SRD5A2: variants seen among roughly 807,000 people sequenced by gnomAD.
The protein encoded by SRD5A2 is steroid 5 alpha-reductase 2, also known as 3-oxo-5-alpha-steroid 4-dehydrogenase 2.
SRD5A2 carries 30 observed loss-of-function variants against 27.4 expected under a neutral mutation model. The observed-to-expected ratio is 1.10, with a 90% CI of 0.82 to 1.49. SRD5A2 has a LOEUF of 1.49. Ranked by LOEUF, SRD5A2 falls within the 40% of genes most tolerant of loss-of-function variation. The probability of loss-of-function intolerance (pLI) is 0.00; values close to 1 mark genes in which losing one functional copy is unlikely to be tolerated. For synonymous variants in SRD5A2, 141 were observed against 133.6 expected, an observed-to-expected ratio of 1.06 and a Z score of -0.38; for missense variants, 348 against 323.4, an observed-to-expected ratio of 1.08 and a Z score of -0.58.
At chr2:31,639,940 C>T in the SRD5A2 span, among the ~76,000 whole-genome samples, 401 of 152,176 alleles carry the variant, frequency 2.6e-3, 3 homozygotes, top group African/African-American at 9.3e-3. Flanking sequence ...CTTCCCCTTG[C>T]TCTTGTTCAG....
At chr2:31,656,091 T>C in the SRD5A2 span, among the ~76,000 whole-genome samples, 1 of 152,172 alleles carries the variant, frequency 6.6e-6, no homozygotes, top group African/African-American at 2.4e-5. Flanking sequence ...ACAAATCATC[T>C]TGAAGGAGAG....
the SRD5A2 span, among the ~76,000 whole-genome samples, chr2:31,602,727 A>T: frequency 6.6e-6 from 1 of 152,068 alleles, no homozygotes; most frequent in Non-Finnish European, 1.5e-5. Context: ...ACAACCGAAC[A>T]GAATAGAGAA....
the SRD5A2 span, among the ~76,000 whole-genome samples, chr2:31,655,159 T>C: frequency 6.6e-6 from 1 of 152,210 alleles, no homozygotes; most frequent in Non-Finnish European, 1.5e-5. Flanking sequence ...TGGAGTACAG[T>C]GGCATGATCT....
the SRD5A2 span, among the ~76,000 whole-genome samples, chr2:31,617,309 C>T: frequency 5.3e-5 from 8 of 152,112 alleles, no homozygotes; most frequent in Admixed American, 2.6e-4. Context: ...GGCATCAGGT[C>T]CTGATGCAGC....
At chr2:31,615,972 G>A in the SRD5A2 span, among the ~76,000 whole-genome samples, 1 of 152,140 alleles carries the variant, frequency 6.6e-6, no homozygotes, top group Non-Finnish European at 1.5e-5. Context: ...CCAAGCCTTG[G>A]CAGCTTCCAT....
chr2:31,549,147 C>G (rs1666329275), intron 1 of SRD5A2, among the ~76,000 whole-genome samples: 1 of 148,920 alleles, frequency 6.7e-6, no homozygotes, highest in Admixed American at 6.7e-5. Context: ...GAGTCTCACT[C>G]TGTCACCCAG....
chr2:31,638,079 C>T, the SRD5A2 span, among the ~76,000 whole-genome samples: 1 of 151,940 alleles, frequency 6.6e-6, no homozygotes, highest in African/African-American at 2.4e-5. Flanking sequence ...ATAAACTTCC[C>T]TGTTAGTACT....
intron 2 of SRD5A2, among the ~76,000 whole-genome samples, chr2:31,532,776 G>T (rs993497735): frequency 1.3e-5 from 2 of 152,080 alleles, no homozygotes; most frequent in African/African-American, 4.8e-5. Flanking sequence ...TGGAAGAAAG[G>T]GTATCTGGGG....
the SRD5A2 span, among the ~76,000 whole-genome samples, chr2:31,600,592 C>G: frequency 6.6e-6 from 1 of 151,824 alleles, no homozygotes; most frequent in Non-Finnish European, 1.5e-5. Flanking sequence ...GGATGTTGAG[C>G]TTTTTTTCAT....
At chr2:31,546,569 T>A (rs1399099507) in intron 1 of SRD5A2, among the ~76,000 whole-genome samples, 1 of 152,134 alleles carries the variant, frequency 6.6e-6, no homozygotes. Flanking sequence ...TTCTCACTTA[T>A]AAGTAGGAGC....
chr2:31,580,774 C>A lies in SRD5A2; in HGVS notation c.127G>T (p.Ala43Ser). The change falls in exon 1 of 5, where the codon GCG becomes TCG. Residue 43 changes from alanine to serine, a missense_variant. Coordinates refer to ENST00000622030, the MANE Select transcript of SRD5A2 (RefSeq NM_000348.4). ...GCGCGGGCTGGCAGGCGGGTAGCCGCCGGCTTCAGGCTCTCCGTGTGCTTC... is the reference window on the plus strand; with the variant it reads ...GCGCGGGCTGGCAGGCGGGTAGCCGACGGCTTCAGGCTCTCCGTGTGCTTC... Reference protein sequence around the residue: ...YGKHTESLKPAATRLPARAAW... With the variant: ...YGKHTESLKPSATRLPARAAW... The A allele has an allele frequency of 6.2e-7, 1 of 1,611,406 alleles. No homozygotes were observed. Among genetic ancestry groups the A allele is most frequent in the Non-Finnish European group, 8.5e-7 (1 of 1,179,624 alleles).
chr2:31,568,694 GC>G (rs1373097142), intron 1 of SRD5A2, among the ~76,000 whole-genome samples: 1 of 152,198 alleles, frequency 6.6e-6, no homozygotes, highest in African/African-American at 2.4e-5. Flanking sequence ...CCACCCAGGA[GC>G]CTGTCTGCCT....
chr2:31,620,137 C>A, the SRD5A2 span, among the ~76,000 whole-genome samples: 1 of 151,824 alleles, frequency 6.6e-6, no homozygotes, highest in Non-Finnish European at 1.5e-5. Flanking sequence ...ATTCAACATC[C>A]CTTCATGTTA....
At chr2:31,638,918 T>G in the SRD5A2 span, among the ~76,000 whole-genome samples, 1 of 152,102 alleles carries the variant, frequency 6.6e-6, no homozygotes, top group Non-Finnish European at 1.5e-5. Context: ...TATTAAGTGT[T>G]ACTATTGATA....
chr2:31,661,587 A>G, the SRD5A2 span, among the ~76,000 whole-genome samples: 8 of 152,128 alleles, frequency 5.3e-5, no homozygotes, highest in Non-Finnish European at 1.0e-4. Flanking sequence ...CTAATGAAGA[A>G]TTGTGTCAAA....
At chr2:31,609,426 A>G in the SRD5A2 span, among the ~76,000 whole-genome samples, 1 of 152,192 alleles carries the variant, frequency 6.6e-6, no homozygotes, top group African/African-American at 2.4e-5. Flanking sequence ...ACATTTATCA[A>G]TGGAATAGAA....
the SRD5A2 span, among the ~76,000 whole-genome samples, chr2:31,609,715 T>C: frequency 6.6e-6 from 1 of 152,126 alleles, no homozygotes; most frequent in South Asian, 2.1e-4. Flanking sequence ...AGGCAGTGGT[T>C]TCTTAGGTGG....
chr2:31,565,270 G>T (rs1333861664), intron 1 of SRD5A2, among the ~76,000 whole-genome samples: 1 of 151,796 alleles, frequency 6.6e-6, no homozygotes, highest in Admixed American at 6.6e-5. Context: ...AATATAAATA[G>T]GAAATAGGAA....
the SRD5A2 span, among the ~76,000 whole-genome samples, chr2:31,643,417 T>C: frequency 6.6e-6 from 1 of 152,168 alleles, no homozygotes; most frequent in African/African-American, 2.4e-5. Context: ...ATGAAGGATT[T>C]TTAAATAGAT....
Sources: gnomAD v4.1 joint callset for allele counts (sites outside exome capture counted in the v4.1 genomes callset) on GRCh38, gnomAD v4.1.1 for gene constraint, MANE v1.5 for transcripts, NCBI Gene and HGNC (gene_info 2026-07-23, HGNC 2026-07-21) for gene names.